The following IMMP2L variants were observed in gnomAD, a reference collection of about 807,000 sequenced individuals.
IMMP2L encodes the protein mitochondrial inner membrane protease subunit 2.
A neutral mutation model predicts 19.3 loss-of-function variants in IMMP2L; 18 were observed. The ratio of observed to expected loss-of-function variants is 0.93; its 90% CI spans 0.64 to 1.38. The LOEUF (loss-of-function observed/expected upper bound fraction) is 1.38, where lower values mean the gene tolerates loss of function less well. Ranked by LOEUF, IMMP2L falls within the 40% of genes most tolerant of loss-of-function variation. The pLI is 0.00. For missense variants in IMMP2L, 233 were observed against 218.2 expected (o/e 1.07, Z -0.43); for synonymous variants, 76 against 73.0 (o/e 1.04, Z -0.21).
intron 5 of IMMP2L, among the ~76,000 whole-genome samples, chr7:110,773,125 G>A (rs910245488): frequency 2.6e-5 from 4 of 151,988 alleles, no homozygotes; most frequent in African/African-American, 7.2e-5. Flanking sequence ...TTGGAGCAAC[G>A]TTTCACAAGA....
chr7:110,773,783 A>G (rs1313071531), intron 5 of IMMP2L, among the ~76,000 whole-genome samples: 1 of 151,690 alleles, frequency 6.6e-6, no homozygotes, highest in Non-Finnish European at 1.5e-5. Context: ...TAATCTGTCC[A>G]GGAGGGCAAT....
At chr7:110,759,670 T>C (rs184732287) in intron 5 of IMMP2L, among the ~76,000 whole-genome samples, 45 of 152,254 alleles carry the variant, frequency 3.0e-4, no homozygotes, top group Admixed American at 2.1e-3. Context: ...CTTGGTAACA[T>C]GTATGTACAG....
intron 5 of IMMP2L, among the ~76,000 whole-genome samples, chr7:110,838,799 G>A (rs761401621): frequency 2.0e-5 from 3 of 152,056 alleles, no homozygotes; most frequent in Admixed American, 6.6e-5. Flanking sequence ...TTTATTTACT[G>A]AGTCCAGTTA....
chr7:111,298,501 G>A (rs1217987199), intron 3 of IMMP2L, among the ~76,000 whole-genome samples: 1 of 152,104 alleles, frequency 6.6e-6, no homozygotes, highest in East Asian at 1.9e-4. Flanking sequence ...TGTAATCCCA[G>A]CACTTTGGGA....
In IMMP2L at chr7:111,326,093, G is replaced by T. The variant is rs139823914; in HGVS notation, c.239+161145C>A. On this transcript the variant is annotated intron_variant, in intron 3 of 5. Coordinates refer to ENST00000405709, the MANE Select transcript of IMMP2L (RefSeq NM_032549.4). ...TCATAAAATCTCCTAAACCAAACCT[G>T]AGTAAATTTCTGCTCTCTTTACTTG... 2.0e-5 allele frequency among the ~76,000 whole-genome samples: 3 copies of T among 151,636 alleles called. No homozygotes were observed. In the East Asian group the frequency reaches 5.8e-4, roughly 29 times the overall value.
At chr7:111,237,311 T>C (rs1362354619) in intron 3 of IMMP2L, among the ~76,000 whole-genome samples, 1 of 152,154 alleles carries the variant, frequency 6.6e-6, no homozygotes, top group Non-Finnish European at 1.5e-5. Flanking sequence ...CAATTTGATG[T>C]CCTATAAGAA....
chr7:111,000,787 T>C (rs7802324), intron 3 of IMMP2L, among the ~76,000 whole-genome samples: 4,518 of 151,072 alleles, frequency 0.03, 112 homozygotes, highest in South Asian at 0.078. Flanking sequence ...GAGTTTGCAG[T>C]GAGCTGAGAT....
At chr7:111,284,042 T>A (rs987540423) in intron 3 of IMMP2L, among the ~76,000 whole-genome samples, 8 of 150,456 alleles carry the variant, frequency 5.3e-5, no homozygotes, top group African/African-American at 1.7e-4. Context: ...GTCACAGTAC[T>A]CATGTATATT....
Position 111,434,547 on chromosome 7 carries a change from TTTGTTTTA to T in IMMP2L, c.239+52683_239+52690del, listed in dbSNP as rs574324721. ...TTTTGTCTTGTTTGTTTTTTGTTTT[TTTGTTTTA>T]TTGTTTTTGAGACAGACTCTCACTC... On this transcript the variant is annotated intron_variant, in intron 3 of 5. Coordinates refer to ENST00000405709, the MANE Select transcript of IMMP2L (RefSeq NM_032549.4). Among the ~76,000 whole-genome samples the T allele has an allele frequency of 5.7e-4, 87 of 151,858 alleles. 3 individuals carry two copies. The highest frequency in any genetic ancestry group is 1.8e-3 in the African/African-American group (74 of 41,222).
intron 3 of IMMP2L, among the ~76,000 whole-genome samples, chr7:111,262,858 A>G (rs1426643812): frequency 2.6e-5 from 4 of 152,078 alleles, no homozygotes; most frequent in Non-Finnish European, 5.9e-5. Flanking sequence ...CCTCTCTCTC[A>G]TTTGTCTAAG....
chr7:111,461,820 A>C (rs892363999), intron 3 of IMMP2L, among the ~76,000 whole-genome samples: 7 of 152,038 alleles, frequency 4.6e-5, no homozygotes, highest in Admixed American at 1.3e-4. Flanking sequence ...TTTAGTAAAA[A>C]CTGGAAACAA....
intron 4 of IMMP2L, among the ~76,000 whole-genome samples, chr7:110,919,635 G>T (rs1447997359): frequency 2.0e-5 from 3 of 151,920 alleles, no homozygotes; most frequent in Non-Finnish European, 4.4e-5. Flanking sequence ...TTTAAAAAGG[G>T]TTTTGAAATG....
In IMMP2L at chr7:111,501,367, G is replaced by A. The variant is rs559274179; in HGVS notation, c.136-14026C>T. On this transcript the variant is annotated intron_variant, in intron 2 of 5. Coordinates refer to ENST00000405709, the MANE Select transcript of IMMP2L (RefSeq NM_032549.4). ...TCTGATTGGTGTACCTGAAAGTGACGGGGAGAATGGAACCAACTTGGAAAA... is the reference window on the plus strand; with the variant it reads ...TCTGATTGGTGTACCTGAAAGTGACAGGGAGAATGGAACCAACTTGGAAAA... Among the ~76,000 whole-genome samples, 28 of 152,240 alleles carry A rather than the reference G, an allele frequency of 1.8e-4. No homozygotes were observed. In the East Asian group the frequency reaches 2.3e-3, roughly 13 times the overall value.
chr7:111,427,225 G>A (rs578149708), intron 3 of IMMP2L, among the ~76,000 whole-genome samples: 1 of 151,664 alleles, frequency 6.6e-6, no homozygotes, highest in Admixed American at 6.6e-5. Flanking sequence ...AATTCCCAGC[G>A]ACTGAGTTGG....
chr7:110,667,111 C>T (rs544332136), intron 5 of IMMP2L, among the ~76,000 whole-genome samples: 2 of 152,280 alleles, frequency 1.3e-5, no homozygotes, highest in Admixed American at 1.3e-4. Flanking sequence ...ACCTAGTGAT[C>T]CATCTGCCTT....
At chr7:111,303,889 A>G (rs1026283284) in intron 3 of IMMP2L, among the ~76,000 whole-genome samples, 14 of 152,242 alleles carry the variant, frequency 9.2e-5, no homozygotes, top group Non-Finnish European at 1.8e-4. Flanking sequence ...GGGAACAACT[A>G]CTAAAACCAC....
intron 3 of IMMP2L, among the ~76,000 whole-genome samples, chr7:111,384,119 G>A (rs376152634): frequency 1.4e-4 from 21 of 151,938 alleles, no homozygotes; most frequent in Middle Eastern, 3.2e-3. Context: ...ACTCCAGCCC[G>A]CGTGGCAGAG....
At chr7:111,558,202 A>G (rs553363249) in intron 1 of IMMP2L, among the ~76,000 whole-genome samples, 212 of 152,258 alleles carry the variant, frequency 1.4e-3, no homozygotes, top group Admixed American at 3.2e-3. Flanking sequence ...TGGACTGAGC[A>G]AAAGACTGCC....
intron 3 of IMMP2L, among the ~76,000 whole-genome samples, chr7:111,019,090 G>A (rs1260484744): frequency 6.6e-6 from 1 of 152,062 alleles, no homozygotes; most frequent in Non-Finnish European, 1.5e-5. Context: ...CTTGAAAGCA[G>A]AGATTACTAT....
Sources: gnomAD v4.1 joint callset for allele counts (sites outside exome capture counted in the v4.1 genomes callset) on GRCh38, gnomAD v4.1.1 for gene constraint, MANE v1.5 for transcripts, NCBI Gene and HGNC (gene_info 2026-07-23, HGNC 2026-07-21) for gene names.